The following CNDP2 variants were observed in gnomAD, a reference collection of about 807,000 sequenced individuals.
CNDP2 encodes the protein carnosine dipeptidase 2.
Under a neutral mutation model 55.0 loss-of-function variants are expected in CNDP2, and 38 were observed. That is an observed-to-expected ratio of 0.69 (90% CI 0.53 to 0.90). CNDP2 has a LOEUF of 0.90. Ranked by LOEUF, CNDP2 falls within the 40% of genes least tolerant of loss-of-function variation. The pLI, the probability that CNDP2 is intolerant of heterozygous loss-of-function variation, is 0.00. For synonymous variants in CNDP2, 241 were observed against 260.2 expected (o/e 0.93, Z 0.71); for missense variants, 607 against 621.7 (o/e 0.98, Z 0.25).
intron 1 of CNDP2, among the ~76,000 whole-genome samples, chr18:74,496,901 G>A (rs887766859): frequency 6.6e-6 from 1 of 152,114 alleles, no homozygotes; most frequent in Non-Finnish European, 1.5e-5. Context: ...GAGTGTGGCG[G>A]GACAGAAGCC....
intron 11 of CNDP2, 143 bp downstream of exon 11, chr18:74,519,239 TGGGA>T: frequency 3.5e-6 from 4 of 1,130,386 alleles, no homozygotes; most frequent in Non-Finnish European, 4.8e-6. Flanking sequence ...TTGTGTGAAG[TGGGA>T]ACTTCAGATG....
In CNDP2 at chr18:74,501,436, G is replaced by C. The variant is rs2144573538; in HGVS notation, c.168G>C (p.Gly56=). 6.2e-7 allele frequency: 1 copy of C among 1,614,084 alleles called. No homozygotes were observed. Among genetic ancestry groups the C allele is most frequent in the South Asian group, 1.1e-5 (1 of 91,084 alleles). Residue 56 remains glycine, a synonymous_variant, in exon 3 of 12, where the codon GGG becomes GGC. Transcript: ENST00000324262. ...EVAAADVKQL[G]GSVELVDIGK... ...CTGCTGCAGATGTTAAGCAGTTGGG[G>C]GGCTCTGTGGAACTGGTGGATATCG...
chr18:74,518,413 CATG>C (rs1979835053), intron 9 of CNDP2, 83 bp from the exon 10 acceptor site: 1 of 1,517,012 alleles, frequency 6.6e-7, no homozygotes, highest in Non-Finnish European at 9.1e-7. Context: ...GCTGTAGACC[CATG>C]ATAGCAGACC....
chr18:74,497,646 G>T (rs1452197029), intron 1 of CNDP2: 1 of 152,200 alleles, frequency 6.6e-6, no homozygotes, highest in Non-Finnish European at 1.5e-5. Flanking sequence ...TTAGCTGGGT[G>T]TGGTGGTGCG....
intron 3 of CNDP2, chr18:74,504,692 G>C (rs34080272): frequency 0.12 from 18,281 of 152,202 alleles, 1,431 homozygotes; most frequent in Non-Finnish European, 0.17. Context: ...GTATTTTCTA[G>C]CAACTAGACT....
At chr18:74,505,184 CTGATT>C (rs1205443914) in intron 3 of CNDP2, 1 of 152,184 alleles carries the variant, frequency 6.6e-6, no homozygotes, top group Non-Finnish European at 1.5e-5. Context: ...AATACCTCTT[CTGATT>C]TAAGATTATA....
chr18:74,500,324 A>G (rs1978621481), intron 2 of CNDP2, among the ~76,000 whole-genome samples: 1 of 152,248 alleles, frequency 6.6e-6, no homozygotes, highest in Non-Finnish European at 1.5e-5. Context: ...AGTATGTTCT[A>G]AGTAATTCAA....
chr18:74,518,386 A>T, intron 9 of CNDP2, 113 bp from the exon 10 acceptor site: 1 of 1,212,540 alleles, frequency 8.2e-7, no homozygotes, highest in Non-Finnish European at 1.2e-6. Context: ...GACCTGTCAG[A>T]GGCCGATTGT....
At chr18:74,505,820 T>G (rs1300640863) in intron 3 of CNDP2, 29 bp from the exon 4 acceptor site, 1 of 1,612,458 alleles carries the variant, frequency 6.2e-7, no homozygotes, top group East Asian at 2.2e-5. Context: ...ACAAAGGCTG[T>G]CCTTGGTTCC....
At chr18:74,517,835 A>T (rs759047833) in intron 9 of CNDP2, 1 of 152,186 alleles carries the variant, frequency 6.6e-6, no homozygotes, top group Non-Finnish European at 1.5e-5. Flanking sequence ...TTCTGTCCAT[A>T]ATATAAAGCA....
At chr18:74,501,027 C>T (rs373333641) in intron 2 of CNDP2, 6 of 340,354 alleles carry the variant, frequency 1.8e-5, no homozygotes, top group Non-Finnish European at 2.2e-5. Context: ...GGCCCGGGTC[C>T]GGTTTTGGGC....
intron 8 of CNDP2, 63 bp from the exon 9 acceptor site, chr18:74,516,165 G>T: frequency 6.6e-7 from 1 of 1,505,516 alleles, no homozygotes; most frequent in Non-Finnish European, 9.0e-7. Context: ...CCAGCTCCTC[G>T]GTGAGCAGAC....
In CNDP2 at chr18:74,510,268, C is replaced by T. The variant is rs183532705; in HGVS notation, c.457-545C>T. Among the ~76,000 whole-genome samples, 13 of 152,338 alleles carry T rather than the reference C, an allele frequency of 8.5e-5. No homozygotes were observed. In the East Asian group the frequency reaches 2.3e-3, roughly 27 times the overall value. ...CATTTAGGCCCTGATGTTCTTTAGC[C>T]TGCCTGGCCTTTGGCAAATCGCCAG... On this transcript the variant is annotated intron_variant, in intron 5 of 11. Transcript: ENST00000324262.
intron 8 of CNDP2, 136 bp downstream of exon 8, chr18:74,513,855 C>G: frequency 1.2e-6 from 1 of 857,868 alleles, no homozygotes. Flanking sequence ...ATGAGTCACT[C>G]AGAAAGCAGA....
chr18:74,512,859 T>C (rs985481791), intron 7 of CNDP2, among the ~76,000 whole-genome samples: 2 of 152,128 alleles, frequency 1.3e-5, no homozygotes, highest in Non-Finnish European at 2.9e-5. Context: ...GTGTGGTCAT[T>C]TTCCATCTCT....
At position 74,513,214 on chromosome 18, in the gene CNDP2, G is replaced by T. The variant is rs555685118; in HGVS notation, c.743-345G>T. The stretch of plus-strand genomic sequence containing the variant: ...AAGCCAGTCTGCTGGTTTGCGTCGT[G>T]GTCTATGACCAAGGACAATTTCCTT... On this transcript the variant is annotated intron_variant, in intron 7 of 11. Coordinates refer to ENST00000324262, the MANE Select transcript of CNDP2 (RefSeq NM_018235.3). Among the ~76,000 whole-genome samples, 5 of 152,324 alleles carry T rather than the reference G, an allele frequency of 3.3e-5. No homozygotes were observed. In the East Asian group the frequency reaches 9.7e-4, roughly 29 times the overall value.
At position 74,513,577 on chromosome 18, in the gene CNDP2, G is replaced by A. The variant is rs144608297; in HGVS notation, c.761G>A (p.Arg254Lys). ...CCCTCAGGCTCTTTGGTGGACAAGA[G>A]GGGGAACATCCTGATCCCCGGCATT... ...ILLMGSLVDKRGNILIPGINE... is the reference protein window; with the variant it reads ...ILLMGSLVDKKGNILIPGINE... Residue 254 changes from arginine to lysine, a missense_variant, in exon 8 of 12, where the codon AGG (arginine) becomes AAG (lysine). By Grantham distance (26) the Arg-to-Lys change is conservative. Coordinates refer to ENST00000324262, the MANE Select transcript of CNDP2 (RefSeq NM_018235.3). 3.7e-6 allele frequency: 6 copies of A among 1,613,138 alleles called. No homozygotes were observed. The Admixed American group carries it at 6.7e-5, about 18-fold the overall frequency.
intron 1 of CNDP2, 191 bp from the exon 2 acceptor site, chr18:74,499,691 T>C (rs1171781852): frequency 2.6e-6 from 1 of 390,002 alleles, no homozygotes; most frequent in African/African-American, 2.1e-5. Flanking sequence ...ACCTGCCATC[T>C]GACACGGAAT....
rs1429004898 is a variant in CNDP2, at chr18:74,523,199, G to A, written c.*3131G>A. Reference sequence around the variant, plus strand: ...AAGCTGAGCTGGCATGCCACTAGCTGGTTTTGATGTAAACAACAATTTTGT... The same window carrying A: ...AAGCTGAGCTGGCATGCCACTAGCTAGTTTTGATGTAAACAACAATTTTGT... On this transcript the variant is annotated 3_prime_UTR_variant, in exon 12 of 12. Coordinates refer to ENST00000324262, the MANE Select transcript of CNDP2 (RefSeq NM_018235.3). The A allele has an allele frequency of 6.6e-6, 1 of 152,234 alleles. No homozygotes were observed. Among genetic ancestry groups the A allele is most frequent in the Non-Finnish European group, 1.5e-5 (1 of 68,062 alleles). 9.4% of individuals were successfully genotyped at this position (152,234 alleles called of 1,614,324 possible).
Sources: allele counts gnomAD v4.1 joint callset (sites outside exome capture counted in the v4.1 genomes callset), GRCh38; gene constraint gnomAD v4.1.1; transcripts MANE v1.5; gene names NCBI Gene and HGNC (gene_info 2026-07-23, HGNC 2026-07-21).